RBFOX1: variants seen among roughly 807,000 people sequenced by gnomAD.
The protein encoded by RBFOX1 is RNA binding fox-1 homolog 1, also known as RNA binding protein fox-1 homolog 1.
Under a neutral mutation model 57.7 loss-of-function variants are expected in RBFOX1, and 8 were observed. The ratio of observed to expected loss-of-function variants is 0.14; its 90% confidence interval spans 0.08 to 0.25. RBFOX1 has a LOEUF of 0.25. Ranked by LOEUF, RBFOX1 falls within the 10% of genes least tolerant of loss-of-function variation. The pLI, the probability that RBFOX1 is intolerant of heterozygous loss-of-function variation, is 1.00. For synonymous variants in RBFOX1, 326 were observed against 222.4 expected (o/e 1.47, Z -4.15); for missense variants, 611 against 548.5 (o/e 1.11, Z -1.14).
At chr16:6,582,007 C>A (rs1013126408) in intron 2 of RBFOX1, among the ~76,000 whole-genome samples, 3 of 152,186 alleles carry the variant, frequency 2.0e-5, no homozygotes, top group African/African-American at 7.2e-5. Context: ...ATGCTACCAG[C>A]ATCTAGTGGG....
intron 5 of RBFOX1, among the ~76,000 whole-genome samples, chr16:7,562,455 G>A (rs1343039459): frequency 6.6e-6 from 1 of 152,154 alleles, no homozygotes; most frequent in Non-Finnish European, 1.5e-5. Context: ...TGGAAGCAAT[G>A]ACCATTGGCA....
rs1462939438 is a variant in RBFOX1 at position 7,083,174 on chromosome 16, AC to A, written c.27+31082del. Among the ~76,000 whole-genome samples the A allele has an allele frequency of 2.0e-5, 3 of 151,834 alleles. No individual in the cohort carries two copies. In the East Asian group the frequency reaches 5.9e-4, roughly 30 times the overall value. On this transcript the variant is annotated intron_variant, in intron 4 of 15. Coordinates refer to ENST00000550418, the MANE Select transcript of RBFOX1 (RefSeq NM_018723.4). ...TAAAACATAGAAATAATTTGCTGAC[AC>A]CCCCCGAGGGGACAGTCCACGGAAT...
At chr16:5,739,478 T>A (rs2052699577) in intron 3 of RBFOX1, among the ~76,000 whole-genome samples, 1 of 152,192 alleles carries the variant, frequency 6.6e-6, no homozygotes. Context: ...GTGGTAATGT[T>A]CGGGAGAAAA....
intron 4 of RBFOX1, among the ~76,000 whole-genome samples, chr16:7,505,771 G>A (rs1264102073): frequency 2.0e-5 from 3 of 152,144 alleles, no homozygotes; most frequent in East Asian, 1.9e-4. Flanking sequence ...CTACTGAGCC[G>A]GAGAAGTGAA....
chr16:7,401,501 G>C (rs1336221147), intron 4 of RBFOX1, among the ~76,000 whole-genome samples: 1 of 152,080 alleles, frequency 6.6e-6, no homozygotes, highest in African/African-American at 2.4e-5. Context: ...AAACAGATTA[G>C]GTAGGTAAAA....
chr16:5,672,831 A>G (rs2050052672), intron 3 of RBFOX1, among the ~76,000 whole-genome samples: 2 of 151,296 alleles, frequency 1.3e-5, no homozygotes, highest in South Asian at 2.1e-4. Context: ...TAAGAGAGGG[A>G]TGATCAGAAA....
chr16:6,785,346 C>T (rs887818557), intron 3 of RBFOX1, among the ~76,000 whole-genome samples: 10 of 152,130 alleles, frequency 6.6e-5, no homozygotes, highest in Admixed American at 4.6e-4. Flanking sequence ...CAGCAAATTT[C>T]CCAGTTGCCC....
At chr16:6,017,914 T>A (rs2095006567), upstream of RBFOX1, among the ~76,000 whole-genome samples, 2 of 152,076 alleles carry the variant, frequency 1.3e-5, no homozygotes, top group African/African-American at 4.8e-5. Flanking sequence ...GCAAACACAG[T>A]CACATCACAG....
intron 1 of RBFOX1, among the ~76,000 whole-genome samples, chr16:6,191,146 T>C (rs116935403): frequency 0.22 from 27,316 of 126,488 alleles, 3,025 homozygotes; most frequent in Middle Eastern, 0.36. Context: ...TTTTTTTTTT[T>C]CTTCATCTGA....
In RBFOX1 at chr16:6,952,309, A is replaced by T. The variant is rs527430309; in HGVS notation, c.-15-99748A>T. Among the ~76,000 whole-genome samples the T allele has an allele frequency of 2.0e-5, 3 of 152,318 alleles. No individual in the cohort carries two copies. In the East Asian group the frequency reaches 5.8e-4, roughly 29 times the overall value. ...AGGTAAAGCTCTTGTGTGTGCAAAA[A>T]AGTAGAACTCCAGTTTTGACAAAGT... On this transcript the variant is annotated intron_variant, in intron 3 of 15. Transcript: ENST00000550418.
chr16:6,567,220 T>C (rs1269575614), intron 2 of RBFOX1, among the ~76,000 whole-genome samples: 3 of 152,204 alleles, frequency 2.0e-5, no homozygotes, highest in Non-Finnish European at 4.4e-5. Context: ...GAATGATGAA[T>C]AGCAGCTTCC....
intron 4 of RBFOX1, among the ~76,000 whole-genome samples, chr16:7,059,962 C>T (rs2053736676): frequency 1.3e-5 from 2 of 152,136 alleles, no homozygotes; most frequent in South Asian, 4.1e-4. Flanking sequence ...AATTATTTTG[C>T]TTAGCTGTGG....
chr16:6,883,502 T>C (rs1021306304), intron 3 of RBFOX1, among the ~76,000 whole-genome samples: 1 of 152,234 alleles, frequency 6.6e-6, no homozygotes, highest in African/African-American at 2.4e-5. Context: ...CAAGAATATT[T>C]ACTTATAACT....
intron 3 of RBFOX1, among the ~76,000 whole-genome samples, chr16:5,667,539 C>G (rs545901957): frequency 6.6e-6 from 1 of 152,324 alleles, no homozygotes; most frequent in Non-Finnish European, 1.5e-5. Flanking sequence ...AGTTCATCAA[C>G]TTAAAAATAT....
intron 4 of RBFOX1, among the ~76,000 whole-genome samples, chr16:7,221,242 A>G (rs1314549843): frequency 6.6e-6 from 1 of 152,240 alleles, no homozygotes; most frequent in Non-Finnish European, 1.5e-5. Flanking sequence ...AAGTGTTAGA[A>G]TAAGGGCTTC....
At chr16:5,297,092 G>A (rs920010451) in intron 1 of RBFOX1, among the ~76,000 whole-genome samples, 10 of 152,158 alleles carry the variant, frequency 6.6e-5, no homozygotes, top group Non-Finnish European at 1.2e-4. Flanking sequence ...CAAATGACAG[G>A]ATTTTCTTCT....
At chr16:6,949,882 C>T (rs1201216361) in intron 3 of RBFOX1, among the ~76,000 whole-genome samples, 1 of 151,810 alleles carries the variant, frequency 6.6e-6, no homozygotes, top group African/African-American at 2.4e-5. Flanking sequence ...CTGAACTGTT[C>T]TCCCTTTAAA....
intron 2 of RBFOX1, among the ~76,000 whole-genome samples, chr16:6,571,075 A>G (rs1167063860): frequency 6.6e-6 from 1 of 152,218 alleles, no homozygotes; most frequent in Non-Finnish European, 1.5e-5. Flanking sequence ...TCTACTACCA[A>G]GGACTGGGAT....
At chr16:7,498,338 G>T (rs1481788821) in intron 4 of RBFOX1, among the ~76,000 whole-genome samples, 1 of 152,036 alleles carries the variant, frequency 6.6e-6, no homozygotes, top group Non-Finnish European at 1.5e-5. Flanking sequence ...CTAGCTAATG[G>T]TGTACATGGG....
Sources: allele counts gnomAD v4.1 joint callset (sites outside exome capture counted in the v4.1 genomes callset), GRCh38; gene constraint gnomAD v4.1.1; transcripts MANE v1.5; gene names NCBI Gene and HGNC (gene_info 2026-07-23, HGNC 2026-07-21).